Variants in PTPN13 observed in about 807,000 individuals in gnomAD.
The protein encoded by PTPN13 is protein tyrosine phosphatase non-receptor type 13.
In PTPN13, 191 loss-of-function variants were observed where a neutral mutation model predicts 284.0. The ratio of observed to expected loss-of-function variants is 0.67; its 90% CI spans 0.60 to 0.76. The LOEUF (loss-of-function observed/expected upper bound fraction) is 0.76. Among genes scored for constraint, PTPN13 ranks in the 30% least tolerant of loss-of-function variants. The pLI, the probability that PTPN13 is intolerant of heterozygous loss-of-function variation, is 0.00. For synonymous variants in PTPN13, 986 were observed against 1,022.3 expected, an observed-to-expected ratio of 0.96 and a Z score of 0.68; for missense variants, 2,797 against 2,939.9, an observed-to-expected ratio of 0.95 and a Z score of 1.12.
At chr4:86,784,063 A>G (rs1474355166) in intron 37 of PTPN13, among the ~76,000 whole-genome samples, 1 of 152,132 alleles carries the variant, frequency 6.6e-6, no homozygotes, top group Non-Finnish European at 1.5e-5. Context: ...AAGCTTTAAT[A>G]GTCCTATTAA....
In PTPN13 at chr4:86,758,933, T is replaced by C. The variant is rs1183027635; in HGVS notation, c.3422-9T>C. On this transcript the variant is annotated splice_polypyrimidine_tract_variant and intron_variant, in intron 22 of 47. Transcript: ENST00000411767. ...GTTGTTGAAAATACTGGATTGTCTATTTGTACAGGAGACCGTTTGATATCT... is the reference window on the plus strand; with the variant it reads ...GTTGTTGAAAATACTGGATTGTCTACTTGTACAGGAGACCGTTTGATATCT... The C allele has an allele frequency of 1.2e-6, 2 of 1,609,706 alleles. No individual in the cohort carries two copies. The highest frequency in any genetic ancestry group is 1.7e-6 in the Non-Finnish European group (2 of 1,178,504).
chr4:86,736,512 G>A (rs1177950319), intron 15 of PTPN13, among the ~76,000 whole-genome samples: 1 of 152,128 alleles, frequency 6.6e-6, no homozygotes, highest in Non-Finnish European at 1.5e-5. Context: ...TTTATTCACA[G>A]ACTTACATTA....
chr4:86,733,081 A>G (rs1488634030), intron 12 of PTPN13, among the ~76,000 whole-genome samples: 1 of 152,092 alleles, frequency 6.6e-6, no homozygotes, highest in Non-Finnish European at 1.5e-5. Context: ...AGAAATTAGT[A>G]TCCTAATATG....
At chr4:86,785,662 T>C (rs1041111547) in intron 39 of PTPN13, among the ~76,000 whole-genome samples, 186 bp from the exon 40 acceptor site, 2 of 152,172 alleles carry the variant, frequency 1.3e-5, no homozygotes, top group Non-Finnish European at 2.9e-5. Flanking sequence ...TTTTAGTAGA[T>C]AATTTTAACC....
chr4:86,645,687 TAAAG>T (rs1442159591), intron 2 of PTPN13, among the ~76,000 whole-genome samples: 1 of 152,096 alleles, frequency 6.6e-6, no homozygotes, highest in Non-Finnish European at 1.5e-5. Flanking sequence ...TGAGAGAAAT[TAAAG>T]AACACCTAAA....
rs1255607615 is a variant in PTPN13, at chr4:86,764,718, T to A, written c.4143T>A (p.Ser1381Arg). 6.2e-7 allele frequency: 1 copy of A among 1,606,584 alleles called. No individual in the cohort carries two copies. The highest frequency in any genetic ancestry group is 1.7e-5 in the Admixed American group (1 of 57,876). Reference protein sequence around the residue: ...LAKNDNSLGISVTGGVNTSVR... With the variant: ...LAKNDNSLGIRVTGGVNTSVR... ...AAAATGATAACAGCTTGGGGATAAGTGTCACGGTACTGTTTGACAAGGTTT... is the reference window on the plus strand; with the variant it reads ...AAAATGATAACAGCTTGGGGATAAGAGTCACGGTACTGTTTGACAAGGTTT... Residue 1381 changes from serine to arginine, a missense_variant, in exon 25 of 48, where the codon AGT becomes AGA. Coordinates refer to ENST00000411767, the MANE Select transcript of PTPN13 (RefSeq NM_080683.3).
chr4:86,636,048 T>C lies in PTPN13; in HGVS notation c.115+677T>C, dbSNP rs1353922109. 3.3e-5 allele frequency among the ~76,000 whole-genome samples: 5 copies of C among 151,966 alleles called. No homozygotes were observed. In the East Asian group the frequency reaches 9.7e-4, roughly 29 times the overall value. On this transcript the variant is annotated intron_variant, in intron 2 of 47. Coordinates refer to ENST00000411767, the MANE Select transcript of PTPN13 (RefSeq NM_080683.3). ...TAAAAAATGCAGCCATGACAAAGGC[T>C]AAAAAGGAGGGATTCAGTGACTCTC...
chr4:86,693,543 G>A (rs551750498), intron 5 of PTPN13, 44 bp from the exon 6 acceptor site: 2 of 1,311,424 alleles, frequency 1.5e-6, no homozygotes, highest in East Asian at 2.6e-5. Context: ...AAAACAAAAG[G>A]GAGATCCTTT....
At chr4:86,752,349 T>C (rs1017065689) in intron 19 of PTPN13, among the ~76,000 whole-genome samples, 5 of 152,154 alleles carry the variant, frequency 3.3e-5, no homozygotes, top group Non-Finnish European at 7.4e-5. Flanking sequence ...TAAATATTTA[T>C]GGAAGCAACA....
intron 47 of PTPN13, among the ~76,000 whole-genome samples, 160 bp from the exon 48 acceptor site, chr4:86,814,296 C>T (rs534568760): frequency 2.0e-5 from 3 of 151,860 alleles, no homozygotes; most frequent in South Asian, 2.1e-4. Flanking sequence ...TGAGCCACCG[C>T]GCCCAGCCTA....
At chr4:86,708,679 A>T (rs1348839076) in intron 7 of PTPN13, among the ~76,000 whole-genome samples, 1 of 152,108 alleles carries the variant, frequency 6.6e-6, no homozygotes. Context: ...TTTAAGACCC[A>T]GCAATTTTAA....
chr4:86,766,428 T>G lies in PTPN13; in HGVS notation c.4244-4T>G, dbSNP rs375056530. 73 of 1,602,068 alleles carry G rather than the reference T, an allele frequency of 4.6e-5. No homozygotes were observed. In the East Asian group the frequency reaches 1.3e-3, roughly 27 times the overall value. ...ATTTATGATTTGAACTGCCTAATTT[T>G]TAGGTGATCGCGTCCTAGCTGTCAA... On this transcript the variant is annotated splice_region_variant and splice_polypyrimidine_tract_variant and intron_variant, in intron 26 of 47. Transcript: ENST00000411767.
At chr4:86,673,037 G>A (rs575505143) in intron 3 of PTPN13, among the ~76,000 whole-genome samples, 4 of 152,298 alleles carry the variant, frequency 2.6e-5, no homozygotes, top group African/African-American at 9.6e-5. Context: ...CACATGTGCA[G>A]TTCATAATAG....
intron 47 of PTPN13, among the ~76,000 whole-genome samples, chr4:86,813,117 CAGAG>C (rs1194280302): frequency 1.3e-5 from 2 of 152,166 alleles, no homozygotes; most frequent in Non-Finnish European, 2.9e-5. Context: ...TTCCTACTGT[CAGAG>C]AGCTGTTAAT....
At chr4:86,694,921 A>G (rs187115908) in intron 6 of PTPN13, among the ~76,000 whole-genome samples, 23 of 152,006 alleles carry the variant, frequency 1.5e-4, no homozygotes, top group African/African-American at 5.3e-4. Context: ...TTTTAATTTA[A>G]TCAGAGCATC....
chr4:86,609,151 T>G (rs1765047827), intron 1 of PTPN13, among the ~76,000 whole-genome samples: 1 of 152,206 alleles, frequency 6.6e-6, no homozygotes, highest in Non-Finnish European at 1.5e-5. Flanking sequence ...TATTAATCCT[T>G]TCCCTCAACT....
intron 43 of PTPN13, among the ~76,000 whole-genome samples, chr4:86,804,707 T>G (rs1379773518): frequency 6.6e-6 from 1 of 152,228 alleles, no homozygotes; most frequent in East Asian, 1.9e-4. Flanking sequence ...TGTGTCTTTC[T>G]CCCAATAAGC....
chr4:86,783,495 T>C (rs1049357913), intron 37 of PTPN13, among the ~76,000 whole-genome samples: 4 of 152,168 alleles, frequency 2.6e-5, no homozygotes, highest in African/African-American at 9.6e-5. Flanking sequence ...GGACTTTTGC[T>C]GTTCATGGCT....
intron 1 of PTPN13, among the ~76,000 whole-genome samples, chr4:86,621,902 G>A (rs534337014): frequency 1.3e-5 from 2 of 151,908 alleles, no homozygotes; most frequent in South Asian, 2.1e-4. Flanking sequence ...CCTAATAAAA[G>A]TCAGTAGCAA....
Sources: gnomAD v4.1 joint callset for allele counts (sites outside exome capture counted in the v4.1 genomes callset) on GRCh38, gnomAD v4.1.1 for gene constraint, MANE v1.5 for transcripts, NCBI Gene and HGNC (gene_info 2026-07-23, HGNC 2026-07-21) for gene names.